The following CASK variants were observed in gnomAD, a reference collection of about 807,000 sequenced individuals.
The protein encoded by CASK is peripheral plasma membrane protein CASK.
CASK carries 4 observed loss-of-function variants against 82.9 expected under a neutral mutation model. The ratio of observed to expected loss-of-function variants is 0.05; its 90% CI spans 0.02 to 0.11. CASK has a LOEUF of 0.11. Among genes scored for constraint, CASK ranks in the 10% least tolerant of loss-of-function variants. The pLI is 1.00. For synonymous variants in CASK, 259 were observed against 253.5 expected, an observed-to-expected ratio of 1.02 and a Z score of -0.20; for missense variants, 358 against 720.9, an observed-to-expected ratio of 0.50 and a Z score of 5.76.
At chrX:41,817,832 G>C (rs1331469367) in intron 2 of CASK, among the ~76,000 whole-genome samples, 1 of 111,111 alleles carries the variant, frequency 9.0e-6, no homozygotes, top group African/African-American at 3.3e-5. Context: ...ACAAAACGTT[G>C]AAAAAACATT....
chrX:41,703,754 T>C (rs1330490580), intron 5 of CASK, among the ~76,000 whole-genome samples: 1 of 112,607 alleles, frequency 8.9e-6, no homozygotes, highest in African/African-American at 3.2e-5. Flanking sequence ...TTTCAGCTTA[T>C]CTCAGTTTTG....
chrX:41,729,806 A>ATATATATATG (rs1491211778), intron 5 of CASK: 1 of 92,778 alleles, frequency 1.1e-5, no homozygotes. Context: ...ATATATATAT[A>ATATATATATG]TGTATGTATG....
At chrX:41,637,836 G>T (rs1488144165) in intron 8 of CASK, among the ~76,000 whole-genome samples, 3 of 108,992 alleles carry the variant, frequency 2.8e-5, no homozygotes, top group Non-Finnish European at 5.7e-5. Context: ...TAGAGATGGG[G>T]TTTTGCCATG....
intron 3 of CASK, among the ~76,000 whole-genome samples, chrX:41,757,524 G>T: frequency 8.9e-6 from 1 of 112,239 alleles, no homozygotes. Flanking sequence ...TTGTGTGTAC[G>T]TATGTATTTA....
intron 5 of CASK, among the ~76,000 whole-genome samples, chrX:41,717,691 G>A (rs1290904570): frequency 8.9e-6 from 1 of 111,848 alleles, no homozygotes; most frequent in Admixed American, 9.5e-5. Flanking sequence ...GAGTGGCCTC[G>A]CCTTGGGAGA....
chrX:41,602,305 T>C (rs940488050), intron 12 of CASK, among the ~76,000 whole-genome samples: 1 of 111,917 alleles, frequency 8.9e-6, no homozygotes, highest in African/African-American at 3.2e-5. Flanking sequence ...GTTTTCAGTA[T>C]ACAAATCCTA....
intron 1 of CASK, among the ~76,000 whole-genome samples, chrX:41,892,527 G>T (rs2072193049): frequency 1.8e-5 from 2 of 110,278 alleles, no homozygotes; most frequent in Non-Finnish European, 3.8e-5. Context: ...TAGAGACAGG[G>T]TTTTGCCATG....
At chrX:41,835,407 A>C (rs1429426515) in intron 2 of CASK, among the ~76,000 whole-genome samples, 1 of 111,967 alleles carries the variant, frequency 8.9e-6, no homozygotes, top group Non-Finnish European at 1.9e-5. Flanking sequence ...TTCAGAATAA[A>C]AAATGAGTAG....
chrX:41,627,990 G>C (rs1162779502), intron 9 of CASK, among the ~76,000 whole-genome samples: 1 of 111,249 alleles, frequency 9.0e-6, no homozygotes, highest in African/African-American at 3.3e-5. Flanking sequence ...GGCAACAAAA[G>C]TGAAACTCCG....
chrX:41,639,472 G>A (rs2066613910), intron 8 of CASK, among the ~76,000 whole-genome samples: 1 of 108,924 alleles, frequency 9.2e-6, no homozygotes, highest in African/African-American at 3.3e-5. Flanking sequence ...GACTAGTTAG[G>A]AGGCTTTTAC....
intron 2 of CASK, among the ~76,000 whole-genome samples, chrX:41,787,654 A>G (rs917619008): frequency 9.1e-5 from 10 of 110,278 alleles, no homozygotes; most frequent in Admixed American, 9.7e-5. Context: ...ATAAACTAAT[A>G]ACTCAATTTA....
At chrX:41,555,034 A>C (rs891833814) in intron 20 of CASK, among the ~76,000 whole-genome samples, 3 of 112,644 alleles carry the variant, frequency 2.7e-5, no homozygotes, top group Admixed American at 1.9e-4. Flanking sequence ...ATACCTCTAA[A>C]GTGCTGGCAA....
At chrX:41,643,337 G>C (rs890818644) in intron 8 of CASK, among the ~76,000 whole-genome samples, 3 of 111,491 alleles carry the variant, frequency 2.7e-5, no homozygotes, top group South Asian at 3.8e-4. Context: ...GATGGGGATG[G>C]CATTGAATCT....
At chrX:41,797,489 T>C (rs765203856) in intron 2 of CASK, among the ~76,000 whole-genome samples, 2 of 111,432 alleles carry the variant, frequency 1.8e-5, no homozygotes, top group South Asian at 7.6e-4. Flanking sequence ...GTGATTTCCA[T>C]TCCTGCCAAT....
chrX:41,672,662 C>T (rs939038921), intron 5 of CASK, among the ~76,000 whole-genome samples: 1 of 111,700 alleles, frequency 9.0e-6, no homozygotes, highest in African/African-American at 3.3e-5. Context: ...TTACTCTGCC[C>T]AATGGGAGCA....
chrX:41,899,913 A>C (rs1416273804), intron 1 of CASK, among the ~76,000 whole-genome samples: 1 of 111,590 alleles, frequency 9.0e-6, no homozygotes, highest in East Asian at 2.8e-4. Context: ...CAACTTGAAG[A>C]ACTCCCTTTA....
At chrX:41,920,164 T>A (rs2072759999) in intron 1 of CASK, among the ~76,000 whole-genome samples, 1 of 111,688 alleles carries the variant, frequency 9.0e-6, no homozygotes, top group African/African-American at 3.3e-5. Flanking sequence ...TAAGATCTAG[T>A]GGTGAAAAAC....
At chrX:41,769,172 T>G (rs1328195413) in intron 3 of CASK, among the ~76,000 whole-genome samples, 2 of 107,286 alleles carry the variant, frequency 1.9e-5, no homozygotes, top group South Asian at 4.0e-4. Flanking sequence ...AAAAAAAAAG[T>G]ACTTTTTTCT....
intron 20 of CASK, 131 bp downstream of exon 20, chrX:41,555,469 A>C: frequency 1.9e-6 from 1 of 513,716 alleles, no homozygotes; most frequent in South Asian, 2.8e-5. Context: ...TGTTAAAATG[A>C]AATGGTACAA....
Sources: gnomAD v4.1 joint callset for allele counts (sites outside exome capture counted in the v4.1 genomes callset) on GRCh38, gnomAD v4.1.1 for gene constraint, MANE v1.5 for transcripts, NCBI Gene and HGNC (gene_info 2026-07-23, HGNC 2026-07-21) for gene names.